Variants in NISCH observed in about 807,000 individuals in gnomAD.
The protein encoded by NISCH is I-1 receptor candidate protein.
In NISCH, 55 loss-of-function variants were observed where a neutral mutation model predicts 138.4. That is an observed-to-expected ratio of 0.40 (90% CI 0.32 to 0.50). NISCH has a LOEUF of 0.50. Ranked by LOEUF, NISCH falls within the 20% of genes least tolerant of loss-of-function variation. NISCH has a pLI of 0.71. For synonymous variants in NISCH, 860 were observed against 861.5 expected (o/e 1.00, Z 0.03); for missense variants, 1,643 against 2,005.5 (o/e 0.82, Z 3.45).
At position 52,489,371 on chromosome 3, in the gene NISCH, C is replaced by T. The variant is rs1707498841; in HGVS notation, c.3149C>T (p.Ala1050Val). 6.2e-7 allele frequency: 1 copy of T among 1,611,944 alleles called. No homozygotes were observed. The highest frequency in any genetic ancestry group is 8.5e-7 in the Non-Finnish European group (1 of 1,179,008). ...DQRPQEVPAE[A>V]LAPAPAEVPA... ...CGTCCCCAGGAGGTCCCAGCAGAGGCTCTGGCCCCGGCCCCAGCGGAAGTC... is the reference window on the plus strand; with the variant it reads ...CGTCCCCAGGAGGTCCCAGCAGAGGTTCTGGCCCCGGCCCCAGCGGAAGTC... The change falls in exon 17 of 21, where the codon GCT becomes GTT. Residue 1050 changes from alanine to valine, a missense_variant. Ala to Val is a moderately conservative substitution (Grantham distance 64, BLOSUM62 0). Coordinates refer to ENST00000345716, the MANE Select transcript of NISCH (RefSeq NM_007184.4).
intron 3 of NISCH, among the ~76,000 whole-genome samples, chr3:52,467,722 C>G (rs1706827850): frequency 6.6e-6 from 1 of 152,248 alleles, no homozygotes; most frequent in African/African-American, 2.4e-5. Context: ...CTTACTTTCT[C>G]TCAACTTTCC....
Position 52,488,189 on chromosome 3 carries a change from G to T in NISCH, c.2697G>T (p.Glu899Asp). 6.2e-7 allele frequency: 1 copy of T among 1,613,296 alleles called. No homozygotes were observed. Among genetic ancestry groups the T allele is most frequent in the Non-Finnish European group, 8.5e-7 (1 of 1,179,962 alleles). Residue 899 changes from glutamate (E) to aspartate (D), a missense_variant, in exon 16 of 21, where the codon GAG (glutamate) becomes GAT (aspartate). Glu to Asp is a conservative substitution (Grantham distance 45). Transcript: ENST00000345716. ...AVRRSCCAPS[E>D]AVKSAAIPYW... is the part of the protein sequence containing the mutation. The stretch of plus-strand genomic sequence containing the variant: ...GGCGCTCCTGCTGCGCGCCCTCTGA[G>T]GCCGTCAAGTCCGCCGCCATCCCCT...
Position 52,478,213 on chromosome 3 carries a change from GA to G in NISCH, c.1105del (p.Ser369ValfsTer2). 6.2e-7 allele frequency: 1 copy of G among 1,614,162 alleles called. No homozygotes were observed. Among genetic ancestry groups the G allele is most frequent in the Non-Finnish European group, 8.5e-7 (1 of 1,180,000 alleles). On this transcript the variant is annotated frameshift_variant, in exon 10 of 21. Transcript: ENST00000345716. LOFTEE classifies it high-confidence loss of function. ...TLNLAGNLLE[S>X]LSGLHKLYSL... Reference sequence around the variant, plus strand: ...TAAACCTGGCAGGCAACCTCCTAGAGAGTCTGAGTGGCCTGCACAAGCTCTA... The same window carrying G: ...TAAACCTGGCAGGCAACCTCCTAGAGGTCTGAGTGGCCTGCACAAGCTCTA...
At chr3:52,463,552 T>C (rs1271072489) in intron 3 of NISCH, among the ~76,000 whole-genome samples, 1 of 152,206 alleles carries the variant, frequency 6.6e-6, no homozygotes, top group Non-Finnish European at 1.5e-5. Flanking sequence ...GTTGCACCAT[T>C]TGACGTTTCC....
intron 11 of NISCH, among the ~76,000 whole-genome samples, chr3:52,479,233 C>T (rs1360839359): frequency 6.6e-6 from 1 of 152,138 alleles, no homozygotes; most frequent in Non-Finnish European, 1.5e-5. Context: ...CCCTTGGGAC[C>T]TTCCCTCATT....
At chr3:52,469,261 A>G (rs1262279541) in intron 3 of NISCH, among the ~76,000 whole-genome samples, 1 of 144,144 alleles carries the variant, frequency 6.9e-6, no homozygotes, top group East Asian at 2.2e-4. Flanking sequence ...TAAAATTCCT[A>G]CCTGTGGGAT....
At chr3:52,463,826 C>T (rs1366027058) in intron 3 of NISCH, among the ~76,000 whole-genome samples, 5 of 146,076 alleles carry the variant, frequency 3.4e-5, no homozygotes, top group Admixed American at 7.1e-5. Context: ...TGGGTTCAAG[C>T]GATTCTCGTG....
At chr3:52,484,479 C>A in intron 13 of NISCH, 34 bp from the exon 14 acceptor site, 2 of 1,420,742 alleles carry the variant, frequency 1.4e-6, no homozygotes, top group Non-Finnish European at 1.9e-6. Flanking sequence ...CCCACCCACC[C>A]TGCCTGCCTG....
Position 52,476,607 on chromosome 3 carries a change from C to T in NISCH, c.918+8C>T, listed in dbSNP as rs1707104062. On this transcript the variant is annotated splice_region_variant and intron_variant, in intron 8 of 20. Coordinates refer to ENST00000345716, the MANE Select transcript of NISCH (RefSeq NM_007184.4). ...GAGATCGACGAGTCTGTGGTATGCT[C>T]TCAGCAGCAGGTGCCAGGGGTTTCT... is the stretch of plus-strand genomic sequence containing the variant. The T allele has an allele frequency of 1.9e-6, 3 of 1,613,924 alleles. No homozygotes were observed. The highest frequency in any genetic ancestry group is 2.5e-6 in the Non-Finnish European group (3 of 1,179,838).
At chr3:52,491,281 G>A in intron 19 of NISCH, 71 bp from the exon 20 acceptor site, 11 of 1,531,006 alleles carry the variant, frequency 7.2e-6, no homozygotes, top group Non-Finnish European at 9.6e-6. Context: ...GGGACTCGGG[G>A]TGGCTCTAAG....
chr3:52,490,321 T>C lies in NISCH; in HGVS notation c.3613+90T>C. ...CATTCTCTGGAGCCAGCTGTGTGGC[T>C]TCAGGCAGCAGTCAGCGACTTGGCT... On this transcript the variant is annotated intron_variant, in intron 18 of 20. Coordinates refer to ENST00000345716, the MANE Select transcript of NISCH (RefSeq NM_007184.4). The C allele has an allele frequency of 2.1e-6, 3 of 1,460,168 alleles. No homozygotes were observed. The South Asian group carries it at 3.5e-5, about 17-fold the overall frequency. The allele number at this position is 1,460,168 out of a possible 1,614,324, so 90.5% of individuals were successfully genotyped here.
chr3:52,489,844 T>C, intron 17 of NISCH, 166 bp downstream of exon 17: 1 of 1,303,348 alleles, frequency 7.7e-7, no homozygotes. Context: ...TGAGTTGCCC[T>C]CCCCTGGCCA....
At chr3:52,483,317 G>A (rs1217296264) in intron 13 of NISCH, among the ~76,000 whole-genome samples, 1 of 152,216 alleles carries the variant, frequency 6.6e-6, no homozygotes, top group African/African-American at 2.4e-5. Flanking sequence ...GGGCTCAGAG[G>A]ACTCGGGGTC....
At chr3:52,477,737 G>A (rs933246221) in intron 9 of NISCH, 95 bp downstream of exon 9, 44 of 1,020,568 alleles carry the variant, frequency 4.3e-5, no homozygotes, top group Non-Finnish European at 6.4e-5. Context: ...ATTGGCCAGG[G>A]GTTGTAAGGG....
chr3:52,478,631 G>A, intron 11 of NISCH, 54 bp downstream of exon 11: 1 of 1,526,652 alleles, frequency 6.6e-7, no homozygotes, highest in Non-Finnish European at 9.1e-7. Context: ...ATGCAGTCAA[G>A]TCTGCATGGG....
intron 3 of NISCH, among the ~76,000 whole-genome samples, chr3:52,467,193 G>T (rs1217422293): frequency 6.6e-6 from 1 of 151,850 alleles, no homozygotes; most frequent in East Asian, 1.9e-4. Flanking sequence ...TAGAGACGGG[G>T]TTTCACCATG....
intron 13 of NISCH, 24 bp from the exon 14 acceptor site, chr3:52,484,489 G>A: frequency 2.0e-6 from 1 of 491,012 alleles, no homozygotes; most frequent in Non-Finnish European, 2.6e-6. Flanking sequence ...CTGCCTGCCT[G>A]CCCACCCGCC....
At chr3:52,483,429 C>T (rs913250620) in intron 13 of NISCH, among the ~76,000 whole-genome samples, 2 of 152,292 alleles carry the variant, frequency 1.3e-5, no homozygotes, top group African/African-American at 4.8e-5. Flanking sequence ...ACCCTGCTGG[C>T]GGCAGTCAGG....
In NISCH at chr3:52,484,494, C is replaced by CCCG. The variant is rs1559639568; in HGVS notation, c.1529-16_1529-14dup. 6.3e-7 allele frequency: 1 copy of CCCG among 1,586,456 alleles called. No homozygotes were observed. The highest frequency in any genetic ancestry group is 8.6e-7 in the Non-Finnish European group (1 of 1,164,012). ...CCCACCCACCCTGCCTGCCTGCCCA[C>CCCG]CCGCCCTGGTCTCTCCAGGAATCAT... On this transcript the variant is annotated intron_variant, in intron 13 of 20. Coordinates refer to ENST00000345716, the MANE Select transcript of NISCH (RefSeq NM_007184.4).
Sources: gnomAD v4.1 joint callset for allele counts (sites outside exome capture counted in the v4.1 genomes callset) on GRCh38, gnomAD v4.1.1 for gene constraint, MANE v1.5 for transcripts, NCBI Gene and HGNC (gene_info 2026-07-23, HGNC 2026-07-21) for gene names.